PRKCQ: variants seen among roughly 807,000 people sequenced by gnomAD.
PRKCQ encodes the protein protein kinase C theta type.
Under a neutral mutation model 91.2 loss-of-function variants are expected in PRKCQ, and 41 were observed. That is an observed-to-expected ratio of 0.45 (90% CI 0.35 to 0.58). The LOEUF is 0.58. PRKCQ is among the 20% of genes least tolerant of loss of function. The pLI, the probability that PRKCQ is intolerant of heterozygous loss-of-function variation, is 0.00. For missense variants in PRKCQ, 673 were observed against 896.5 expected (o/e 0.75, Z 3.18); for synonymous variants, 307 against 316.9 (o/e 0.97, Z 0.33).
At position 6,579,981 on chromosome 10, in the gene PRKCQ, C is replaced by T. The variant is rs545799065; in HGVS notation, c.-10+230G>A. Among the ~76,000 whole-genome samples, 117 of 152,236 alleles carry T rather than the reference C, an allele frequency of 7.7e-4. 1 individual carries two copies. The highest frequency in any genetic ancestry group is 4.8e-3 in the South Asian group (23 of 4,826). ...CCGGCGGCCCCCACCCGGCTAAGGT[C>T]GCCAGCATCCCGCATCCCGTGCGAC... On this transcript the variant is annotated intron_variant, in intron 1 of 17. Coordinates refer to ENST00000263125, the MANE Select transcript of PRKCQ (RefSeq NM_006257.5).
chr10:6,452,824 A>AT (rs1834771673), intron 15 of PRKCQ, among the ~76,000 whole-genome samples: 1 of 148,592 alleles, frequency 6.7e-6, no homozygotes, highest in Non-Finnish European at 1.5e-5. Flanking sequence ...CAATGGGGAA[A>AT]GGATTCCCTA....
intron 1 of PRKCQ, among the ~76,000 whole-genome samples, chr10:6,515,707 C>T (rs577276661): frequency 6.6e-6 from 1 of 152,326 alleles, no homozygotes; most frequent in African/African-American, 2.4e-5. Flanking sequence ...CACACACACA[C>T]TCTAAGCCTT....
In PRKCQ at chr10:6,547,310, A is replaced by C. The variant is rs549690198; in HGVS notation, c.-9-32166T>G. Among the ~76,000 whole-genome samples the C allele has an allele frequency of 4.0e-3, 603 of 152,122 alleles. 1 individual carries two copies. Among genetic ancestry groups the C allele is most frequent in the Non-Finnish European group, 6.8e-3 (459 of 67,970 alleles). The stretch of plus-strand genomic sequence containing the variant: ...ATCGTGAAAATGGCCATACTGCCCA[A>C]GGTAATTTATAGATTCAATGCCATC... On this transcript the variant is annotated intron_variant, in intron 1 of 17. Transcript: ENST00000263125.
the PRKCQ span, among the ~76,000 whole-genome samples, chr10:6,417,649 G>A: frequency 6.6e-6 from 1 of 152,140 alleles, no homozygotes; most frequent in Non-Finnish European, 1.5e-5. Context: ...AGCTTCCAAT[G>A]TTGCCTTAGC....
downstream of PRKCQ, among the ~76,000 whole-genome samples, chr10:6,423,763 C>A (rs140709205): frequency 1.6e-4 from 24 of 152,316 alleles, no homozygotes; most frequent in Admixed American, 2.6e-4. Context: ...CCAAATGCCT[C>A]TTCTCTTGGC....
intron 14 of PRKCQ, among the ~76,000 whole-genome samples, chr10:6,458,709 C>T (rs1835160101): frequency 6.6e-6 from 1 of 152,178 alleles, no homozygotes; most frequent in Non-Finnish European, 1.5e-5. Flanking sequence ...GACCATGACA[C>T]TTGCCTTGCT....
At chr10:6,579,839 T>G (rs1206974988) in intron 1 of PRKCQ, among the ~76,000 whole-genome samples, 15 of 28,304 alleles carry the variant, frequency 5.3e-4, no homozygotes, top group African/African-American at 9.8e-4. Flanking sequence ...CCTCACGCAT[T>G]TTTTTTTTTT....
the PRKCQ span, among the ~76,000 whole-genome samples, chr10:6,403,694 T>C: frequency 2.0e-5 from 3 of 152,332 alleles, no homozygotes; most frequent in East Asian, 1.9e-4. Context: ...CTGAGCACAA[T>C]GTATTGCAAT....
At chr10:6,513,991 C>T (rs889362946) in intron 2 of PRKCQ, among the ~76,000 whole-genome samples, 1 of 152,094 alleles carries the variant, frequency 6.6e-6, no homozygotes, top group Non-Finnish European at 1.5e-5. Flanking sequence ...TGTTTATTGC[C>T]ACTTTCTTCT....
Position 6,428,095 on chromosome 10 carries a change from A to C in PRKCQ, c.*112T>G. ...TGGGGGCGAACGGGTCTCAGTCTTT[A>C]TTGTTGAGTGTTTCTTTCTTTTTCC... is the stretch of plus-strand genomic sequence containing the variant. On this transcript the variant is annotated 3_prime_UTR_variant, in exon 18 of 18. Transcript: ENST00000263125. 1 of 1,394,304 alleles carries C rather than the reference A, an allele frequency of 7.2e-7. No individual in the cohort carries two copies. Among genetic ancestry groups the C allele is most frequent in the Non-Finnish European group, 1.0e-6 (1 of 1,000,968 alleles). The allele number at this position is 1,394,304 out of a possible 1,614,324, so 86.4% of individuals were successfully genotyped here. A position where few individuals can be genotyped will look rare whatever the true frequency, so the allele number is the denominator to read the frequency against.
chr10:6,513,107 A>C (rs1198333628), intron 2 of PRKCQ, among the ~76,000 whole-genome samples: 3 of 152,142 alleles, frequency 2.0e-5, no homozygotes, highest in Non-Finnish European at 2.9e-5. Context: ...TAATCACCTA[A>C]ACAGAGGGCC....
intron 1 of PRKCQ, among the ~76,000 whole-genome samples, chr10:6,531,004 G>C (rs1319060753): frequency 6.6e-6 from 1 of 152,162 alleles, no homozygotes; most frequent in East Asian, 1.9e-4. Flanking sequence ...GTTGTTTTAT[G>C]ATGTGAGAAA....
the PRKCQ span, among the ~76,000 whole-genome samples, chr10:6,415,742 CTCTCT>C: frequency 5.3e-5 from 4 of 75,514 alleles, no homozygotes; most frequent in South Asian, 5.1e-4. Flanking sequence ...CTCTCTCTCT[CTCTCT>C]TTTTTTTTTT....
At chr10:6,536,424 C>T (rs933122391) in intron 1 of PRKCQ, among the ~76,000 whole-genome samples, 14 of 152,332 alleles carry the variant, frequency 9.2e-5, no homozygotes, top group African/African-American at 3.4e-4. Context: ...GTCACTGTTA[C>T]TTGGGAGCCC....
chr10:6,454,450 C>G (rs1834899278), intron 15 of PRKCQ, among the ~76,000 whole-genome samples: 1 of 152,036 alleles, frequency 6.6e-6, no homozygotes, highest in Admixed American at 6.6e-5. Context: ...AAGGGAGAGT[C>G]TGAATTCAGT....
At chr10:6,448,015 G>A (rs984616518) in intron 15 of PRKCQ, among the ~76,000 whole-genome samples, 121 of 152,184 alleles carry the variant, frequency 8.0e-4, no homozygotes, top group African/African-American at 2.7e-3. Flanking sequence ...ATGGTGGGAG[G>A]GCAGCCTCCG....
At chr10:6,580,458 G>GC (rs1349521619), upstream of PRKCQ, 2 of 152,172 alleles carry the variant, frequency 1.3e-5, no homozygotes, top group African/African-American at 2.4e-5. Flanking sequence ...CCCGCCGTGC[G>GC]CCCCCGGTCC....
intron 7 of PRKCQ, among the ~76,000 whole-genome samples, chr10:6,495,827 T>G (rs1837555306): frequency 2.0e-5 from 3 of 152,108 alleles, no homozygotes; most frequent in Admixed American, 2.0e-4. Context: ...GAGGGAGGAT[T>G]GAAAATTACC....
chr10:6,449,078 A>G (rs1439944615), intron 15 of PRKCQ, among the ~76,000 whole-genome samples: 2 of 152,256 alleles, frequency 1.3e-5, no homozygotes, highest in Non-Finnish European at 2.9e-5. Flanking sequence ...ACAAAGCTGG[A>G]TGGAGAATGA....
Sources: gnomAD v4.1 joint callset for allele counts (sites outside exome capture counted in the v4.1 genomes callset) on GRCh38, gnomAD v4.1.1 for gene constraint, MANE v1.5 for transcripts, NCBI Gene and HGNC (gene_info 2026-07-23, HGNC 2026-07-21) for gene names.